Variants in L2HGDH observed in about 807,000 individuals in gnomAD.
L2HGDH encodes the protein L-2-hydroxyglutarate dehydrogenase, mitochondrial.
A neutral mutation model predicts 51.5 loss-of-function variants in L2HGDH; 34 were observed. The ratio of observed to expected loss-of-function variants is 0.66; its 90% CI spans 0.50 to 0.88. The LOEUF (loss-of-function observed/expected upper bound fraction) is 0.88. Among genes scored for constraint, L2HGDH ranks in the 40% least tolerant of loss-of-function variants. The pLI is 0.00. For missense variants in L2HGDH, 558 were observed against 571.9 expected (o/e 0.98, Z 0.25); for synonymous variants, 198 against 197.9 (o/e 1.00, Z -0.01).
intron 1 of L2HGDH, among the ~76,000 whole-genome samples, chr14:50,306,096 G>A (rs1220925960): frequency 6.6e-6 from 1 of 150,928 alleles, no homozygotes; most frequent in Non-Finnish European, 1.5e-5. Flanking sequence ...CTGTCGCCAG[G>A]CTGGAGTGCA....
At chr14:50,266,679 T>C (rs1889353751) in intron 8 of L2HGDH, among the ~76,000 whole-genome samples, 1 of 152,188 alleles carries the variant, frequency 6.6e-6, no homozygotes, top group African/African-American at 2.4e-5. Context: ...AAAGCCTAGA[T>C]GCACATATGT....
At chr14:50,273,890 C>A (rs1161937011) in intron 6 of L2HGDH, among the ~76,000 whole-genome samples, 1 of 151,994 alleles carries the variant, frequency 6.6e-6, no homozygotes, top group Non-Finnish European at 1.5e-5. Flanking sequence ...ACCAGCCCGA[C>A]CAACATGTAG....
intron 6 of L2HGDH, among the ~76,000 whole-genome samples, chr14:50,271,632 G>C (rs1889692221): frequency 6.6e-6 from 1 of 151,986 alleles, no homozygotes; most frequent in Non-Finnish European, 1.5e-5. Flanking sequence ...CTTGAGCCCA[G>C]GAGTTCAAGA....
At chr14:50,290,037 G>A (rs7145847) in intron 4 of L2HGDH, among the ~76,000 whole-genome samples, 2,431 of 152,182 alleles carry the variant, frequency 0.016, 63 homozygotes, top group African/African-American at 0.055. Flanking sequence ...AGGCTGAGGC[G>A]GGCGGATCAC....
At chr14:50,304,715 G>T (rs61981860) in intron 1 of L2HGDH, among the ~76,000 whole-genome samples, 5 of 152,068 alleles carry the variant, frequency 3.3e-5, no homozygotes, top group Admixed American at 6.6e-5. Flanking sequence ...GGCACCTGTA[G>T]TCCCAGCTAC....
At chr14:50,260,693 T>C (rs1030595040) in intron 9 of L2HGDH, among the ~76,000 whole-genome samples, 2 of 152,156 alleles carry the variant, frequency 1.3e-5, no homozygotes, top group African/African-American at 2.4e-5. Flanking sequence ...AGTGTGAAGG[T>C]TACCAAATTC....
intron 3 of L2HGDH, among the ~76,000 whole-genome samples, chr14:50,295,883 C>T (rs998074068): frequency 4.6e-5 from 7 of 151,744 alleles, no homozygotes; most frequent in Non-Finnish European, 7.4e-5. Flanking sequence ...AGATTACAGA[C>T]GCCTGCCACC....
chr14:50,252,853 C>G (rs1888443988), intron 9 of L2HGDH, among the ~76,000 whole-genome samples: 5 of 152,046 alleles, frequency 3.3e-5, no homozygotes, highest in Admixed American at 2.6e-4. Context: ...TTAAACACCC[C>G]ACTTTCAGTA....
At chr14:50,289,437 C>T (rs2139179675) in intron 4 of L2HGDH, among the ~76,000 whole-genome samples, 1 of 152,232 alleles carries the variant, frequency 6.6e-6, no homozygotes, top group East Asian at 1.9e-4. Context: ...CAGTGCGTTA[C>T]AAAACCATTG....
At chr14:50,290,430 CT>C (rs909802618) in intron 4 of L2HGDH, among the ~76,000 whole-genome samples, 7 of 152,264 alleles carry the variant, frequency 4.6e-5, no homozygotes, top group Non-Finnish European at 5.9e-5. Flanking sequence ...AAATTAGTAC[CT>C]TTTGCCTGTC....
chr14:50,268,334 A>G (rs1889461815), intron 7 of L2HGDH, among the ~76,000 whole-genome samples: 1 of 149,498 alleles, frequency 6.7e-6, no homozygotes, highest in Admixed American at 6.7e-5. Context: ...AGCCAAGATC[A>G]TGCCACTGCA....
At chr14:50,285,609 A>T (rs193005537) in intron 4 of L2HGDH, among the ~76,000 whole-genome samples, 1 of 152,366 alleles carries the variant, frequency 6.6e-6, no homozygotes, top group South Asian at 2.1e-4. Flanking sequence ...CTTACCTACC[A>T]TAAAATTATG....
In L2HGDH at chr14:50,266,509, A is replaced by G. The variant is rs115352434; in HGVS notation, c.1065-1020T>C. Among the ~76,000 whole-genome samples the G allele has an allele frequency of 6.1e-3, 929 of 152,060 alleles. 10 individuals are homozygous for G. Among genetic ancestry groups the G allele is most frequent in the African/African-American group, 0.021 (871 of 41,502 alleles). On this transcript the variant is annotated intron_variant, in intron 8 of 9. Coordinates refer to ENST00000267436, the MANE Select transcript of L2HGDH (RefSeq NM_024884.3). ...AACACAAAAATTATCTGGGCATGGT[A>G]GCATCTGCCTGTAGTTCCAGCTACT... is the stretch of plus-strand genomic sequence containing the variant.
At chr14:50,295,314 G>A (rs1719104300) in intron 3 of L2HGDH, among the ~76,000 whole-genome samples, 1 of 152,156 alleles carries the variant, frequency 6.6e-6, no homozygotes, top group Admixed American at 6.5e-5. Flanking sequence ...GTTCAAGGCT[G>A]CAGTGAGCTG....
intron 9 of L2HGDH, among the ~76,000 whole-genome samples, chr14:50,259,231 C>T (rs1325562023): frequency 6.6e-6 from 1 of 151,818 alleles, no homozygotes; most frequent in African/African-American, 2.4e-5. Context: ...CCTACCTCAG[C>T]CTCCCAAGTA....
chr14:50,307,794 A>G (rs891961434), intron 1 of L2HGDH, among the ~76,000 whole-genome samples: 2 of 152,218 alleles, frequency 1.3e-5, no homozygotes, highest in African/African-American at 2.4e-5. Context: ...AGGCATCTCT[A>G]AAAACACACA....
At chr14:50,254,824 A>T (rs1888565169) in intron 9 of L2HGDH, among the ~76,000 whole-genome samples, 1 of 152,016 alleles carries the variant, frequency 6.6e-6, no homozygotes, top group Non-Finnish European at 1.5e-5. Flanking sequence ...GGATCACTTG[A>T]ACACAGGAGT....
At chr14:50,294,312 G>A in intron 3 of L2HGDH, 66 bp from the exon 4 acceptor site, 1 of 1,533,016 alleles carries the variant, frequency 6.5e-7, no homozygotes, top group Non-Finnish European at 8.9e-7. Context: ...GAAAGATAAA[G>A]TCAATGGAAA....
rs756676976 is a variant in L2HGDH at position 50,265,473 on chromosome 14, C to T, written c.1081G>A (p.Ala361Thr). The change falls in exon 9 of 10, where the codon GCA becomes ACA. Residue 361 changes from alanine to threonine, a missense_variant. By Grantham distance (58) the Ala-to-Thr change is moderately conservative. Coordinates refer to ENST00000267436, the MANE Select transcript of L2HGDH (RefSeq NM_024884.3). Reference protein sequence around the residue: ...IIINSGLIKLASQNFSYGVTE... With the variant: ...IIINSGLIKLTSQNFSYGVTE... Reference sequence around the variant, plus strand: ...ACTCCATAGGAAAAATTCTGGGATGCCAGTTTAATCAAGCCACTGAAAACA... The same window carrying T: ...ACTCCATAGGAAAAATTCTGGGATGTCAGTTTAATCAAGCCACTGAAAACA... 1 of 1,612,822 alleles carries T rather than the reference C, an allele frequency of 6.2e-7. No homozygotes were observed. Among genetic ancestry groups the T allele is most frequent in the South Asian group, 1.1e-5 (1 of 91,028 alleles).
Sources: gnomAD v4.1 joint callset for allele counts (sites outside exome capture counted in the v4.1 genomes callset) on GRCh38, gnomAD v4.1.1 for gene constraint, MANE v1.5 for transcripts, NCBI Gene and HGNC (gene_info 2026-07-23, HGNC 2026-07-21) for gene names.